STAG1: variants seen among roughly 807,000 people sequenced by gnomAD.
STAG1 encodes the protein cohesin subunit SA-1.
STAG1 carries 26 observed loss-of-function variants against 170.9 expected under a neutral mutation model. The observed-to-expected ratio is 0.15, with a 90% CI of 0.11 to 0.21. The LOEUF (loss-of-function observed/expected upper bound fraction) is 0.21. STAG1 is among the 10% of genes least tolerant of loss of function. STAG1 has a pLI of 1.00. For missense variants in STAG1, 964 were observed against 1,509.5 expected (o/e 0.64, Z 5.99); for synonymous variants, 514 against 497.7 (o/e 1.03, Z -0.44).
chr3:136,666,530 T>C (rs1175161701), intron 1 of STAG1, among the ~76,000 whole-genome samples: 3 of 152,080 alleles, frequency 2.0e-5, no homozygotes, highest in Admixed American at 2.0e-4. Context: ...AATAACTGTT[T>C]GATACGACTG....
chr3:136,459,506 A>G (rs189872134), intron 13 of STAG1, among the ~76,000 whole-genome samples: 10 of 152,328 alleles, frequency 6.6e-5, no homozygotes, highest in Non-Finnish European at 1.5e-4. Context: ...GTTAAACTGC[A>G]TTCTAGACCA....
intron 23 of STAG1, among the ~76,000 whole-genome samples, chr3:136,376,045 A>AT (rs1008035725): frequency 1.1e-4 from 17 of 149,556 alleles, no homozygotes; most frequent in African/African-American, 3.9e-4. Context: ...ATAAAATAAA[A>AT]TAAAACAAAA....
At chr3:136,343,452 TAC>T (rs1228117631) in intron 30 of STAG1, among the ~76,000 whole-genome samples, 2 of 152,210 alleles carry the variant, frequency 1.3e-5, no homozygotes, top group Admixed American at 1.3e-4. Flanking sequence ...TAAAGCTAAA[TAC>T]AGTCTATTTA....
chr3:136,556,560 C>T (rs572971197), intron 5 of STAG1, among the ~76,000 whole-genome samples: 3 of 147,842 alleles, frequency 2.0e-5, no homozygotes, highest in East Asian at 3.9e-4. Flanking sequence ...GCTGATAGAA[C>T]TTGACATTCG....
At position 136,602,434 on chromosome 3, in the gene STAG1, C is replaced by T. The variant is rs905727489; in HGVS notation, c.297+1875G>A. On this transcript the variant is annotated intron_variant, in intron 4 of 33. Coordinates refer to ENST00000383202, the MANE Select transcript of STAG1 (RefSeq NM_005862.3). ...AGAAAAATATCTGAAATGCAATTAT[C>T]AAAATTTTACATAAAAATACATTTC... 4.6e-5 allele frequency among the ~76,000 whole-genome samples: 7 copies of T among 150,576 alleles called. 1 individual carries two copies. The East Asian group carries it at 9.7e-4, about 21-fold the overall frequency.
intron 21 of STAG1, among the ~76,000 whole-genome samples, chr3:136,414,970 T>C (rs909326498): frequency 6.6e-6 from 1 of 152,104 alleles, no homozygotes; most frequent in Non-Finnish European, 1.5e-5. Context: ...ACACATAACA[T>C]TGATGGATTA....
At chr3:136,618,234 C>T (rs900065491) in intron 3 of STAG1, among the ~76,000 whole-genome samples, 4 of 152,166 alleles carry the variant, frequency 2.6e-5, no homozygotes, top group African/African-American at 2.4e-5. Flanking sequence ...CCACTCACCC[C>T]GTCACTCTCT....
At chr3:136,479,182 G>A (rs910649987) in intron 9 of STAG1, among the ~76,000 whole-genome samples, 12 of 145,334 alleles carry the variant, frequency 8.3e-5, no homozygotes, top group African/African-American at 2.5e-4. Flanking sequence ...ACCCACCAAC[G>A]TGTCATCTAG....
At chr3:136,388,485 C>T in intron 22 of STAG1, among the ~76,000 whole-genome samples, 1 of 152,142 alleles carries the variant, frequency 6.6e-6, no homozygotes, top group East Asian at 1.9e-4. Flanking sequence ...TCTGTTGCCT[C>T]AGCCTCCTGA....
At chr3:136,438,238 T>A (rs559187561) in intron 15 of STAG1, among the ~76,000 whole-genome samples, 10 of 113,532 alleles carry the variant, frequency 8.8e-5, no homozygotes, top group African/African-American at 2.5e-4. Flanking sequence ...TTAGTTTCTT[T>A]TCTTTTTTTT....
At chr3:136,491,122 T>C (rs566535137) in intron 9 of STAG1, among the ~76,000 whole-genome samples, 1 of 152,258 alleles carries the variant, frequency 6.6e-6, no homozygotes, top group Non-Finnish European at 1.5e-5. Context: ...TCTTTCTATG[T>C]ATCTATTTTT....
chr3:136,633,952 T>A (rs1553757999), intron 1 of STAG1, among the ~76,000 whole-genome samples: 2 of 92,606 alleles, frequency 2.2e-5, no homozygotes, highest in Non-Finnish European at 4.5e-5. Flanking sequence ...GGTGAAACCC[T>A]GTCTCTACTT....
intron 5 of STAG1, among the ~76,000 whole-genome samples, chr3:136,550,384 C>T (rs1039262535): frequency 2.0e-5 from 3 of 151,566 alleles, no homozygotes; most frequent in Admixed American, 6.6e-5. Flanking sequence ...CTTGGCTCAC[C>T]GCAAGCTCTG....
chr3:136,431,641 C>T (rs1018444658), intron 16 of STAG1, among the ~76,000 whole-genome samples: 3 of 152,130 alleles, frequency 2.0e-5, no homozygotes, highest in African/African-American at 7.2e-5. Context: ...CTTTTTGTTT[C>T]TCTGGTAATG....
intron 1 of STAG1, among the ~76,000 whole-genome samples, chr3:136,750,760 A>C (rs534599064): frequency 6.6e-6 from 1 of 152,352 alleles, no homozygotes; most frequent in South Asian, 2.1e-4. Flanking sequence ...AAGTATTCTT[A>C]ATCATCAAAA....
rs115665038 is a variant in STAG1, at chr3:136,374,345, C to T, written c.2370+3315G>A. Reference sequence around the variant, plus strand: ...AAGAAAAAAATATTTTGGCCAGGCACGGTGGCTCACAGTTGTAATCCTAGC... The same window carrying T: ...AAGAAAAAAATATTTTGGCCAGGCATGGTGGCTCACAGTTGTAATCCTAGC... On this transcript the variant is annotated intron_variant, in intron 23 of 33. Transcript: ENST00000383202. Among the ~76,000 whole-genome samples the T allele has an allele frequency of 6.9e-3, 1,044 of 152,088 alleles. 15 individuals are homozygous for T. Among genetic ancestry groups the T allele is most frequent in the African/African-American group, 0.024 (986 of 41,482 alleles).
At chr3:136,706,379 A>G (rs1943228999) in intron 1 of STAG1, among the ~76,000 whole-genome samples, 1 of 152,238 alleles carries the variant, frequency 6.6e-6, no homozygotes, top group African/African-American at 2.4e-5. Flanking sequence ...TGATAAAAAA[A>G]TTGAGCAAAG....
intron 5 of STAG1, among the ~76,000 whole-genome samples, chr3:136,548,778 A>T (rs1377595913): frequency 1.3e-5 from 2 of 152,024 alleles, no homozygotes; most frequent in African/African-American, 4.8e-5. Flanking sequence ...TCTCATGTCA[A>T]ATTGTAATCC....
chr3:136,418,291 C>T (rs978347473), intron 20 of STAG1, among the ~76,000 whole-genome samples: 6 of 130,316 alleles, frequency 4.6e-5, no homozygotes, highest in South Asian at 4.9e-4. Context: ...ACCCAGGACA[C>T]GGAGGTTGCA....
Sources: allele counts gnomAD v4.1 joint callset (sites outside exome capture counted in the v4.1 genomes callset), GRCh38; gene constraint gnomAD v4.1.1; transcripts MANE v1.5; gene names NCBI Gene and HGNC (gene_info 2026-07-23, HGNC 2026-07-21).